EXD3: variants seen among roughly 807,000 people sequenced by gnomAD.
EXD3 encodes exonuclease 3'-5' domain containing 3.
In EXD3, 92 loss-of-function variants were observed where a neutral mutation model predicts 98.0. The observed-to-expected ratio is 0.94, with a 90% CI of 0.79 to 1.12. The LOEUF is 1.12. Among genes scored for constraint, EXD3 ranks in the 50% most tolerant of loss-of-function variants. The pLI, the probability that EXD3 is intolerant of heterozygous loss-of-function variation, is 0.00. For synonymous variants in EXD3, 569 were observed against 526.0 expected, an observed-to-expected ratio of 1.08 and a Z score of -1.12; for missense variants, 1,222 against 1,191.6, an observed-to-expected ratio of 1.03 and a Z score of -0.38.
intron 2 of EXD3, among the ~76,000 whole-genome samples, chr9:137,384,158 G>T (rs943507896): frequency 1.3e-5 from 2 of 152,222 alleles, no homozygotes; most frequent in East Asian, 1.9e-4. Flanking sequence ...TGTGGAAGCT[G>T]CTGGGCCCCC....
intron 1 of EXD3, among the ~76,000 whole-genome samples, chr9:137,416,527 C>T (rs568692172): frequency 1.3e-5 from 2 of 152,346 alleles, no homozygotes; most frequent in South Asian, 4.1e-4. Context: ...GCGCCCGGAA[C>T]CTCGCTGGTC....
At chr9:137,382,380 C>T (rs557442178) in intron 3 of EXD3, among the ~76,000 whole-genome samples, 5 of 138,536 alleles carry the variant, frequency 3.6e-5, no homozygotes, top group East Asian at 2.6e-4. Context: ...AACTCAGACA[C>T]GTGGGGGGCG....
At position 137,383,326 on chromosome 9, in the gene EXD3, C is replaced by T. The variant is rs764009655; in HGVS notation, c.107G>A (p.Arg36Gln). 1.0e-5 allele frequency: 16 copies of T among 1,550,034 alleles called. No individual in the cohort carries two copies. Among genetic ancestry groups the T allele is most frequent in the Admixed American group, 7.8e-5 (4 of 50,964 alleles). ...LQALQTLWST[R>Q]ERKQLREEAW... Reference sequence around the variant, plus strand: ...ACGTCCACTCACCTGCTTCCGCTCCCGCGTGGACCACAGGGTCTGCAGGGC... The same window carrying T: ...ACGTCCACTCACCTGCTTCCGCTCCTGCGTGGACCACAGGGTCTGCAGGGC... The change falls in exon 3 of 22, where the codon CGG becomes CAG. Residue 36 changes from arginine (R) to glutamine (Q), a missense_variant. Physicochemically the swap from Arg to Gln is conservative, Grantham distance 43. Coordinates refer to ENST00000340951, the MANE Select transcript of EXD3 (RefSeq NM_017820.5).
intron 17 of EXD3, among the ~76,000 whole-genome samples, chr9:137,337,161 C>T (rs142165364): frequency 6.6e-6 from 1 of 152,114 alleles, no homozygotes; most frequent in East Asian, 1.9e-4. Context: ...AGAGGTTCAC[C>T]ACATAATTAT....
Position 137,324,715 on chromosome 9 carries a change from C to T in EXD3, c.1999-572G>A, listed in dbSNP as rs139033072. The stretch of plus-strand genomic sequence containing the variant: ...TTAAGGATTTTTTTTGTTTTTTAGA[C>T]GGAGTCTCGCTCTTTCGCCCAGGCC... On this transcript the variant is annotated intron_variant, in intron 17 of 21. Coordinates refer to ENST00000340951, the MANE Select transcript of EXD3 (RefSeq NM_017820.5). This position sits in a 1 kb window ranked among gnomAD's most constrained non-coding sequence, Gnocchi z 4.1. Among the ~76,000 whole-genome samples the T allele has an allele frequency of 1.2e-3, 180 of 152,266 alleles. No individual in the cohort carries two copies. Among genetic ancestry groups the T allele is most frequent in the African/African-American group, 4.0e-3 (166 of 41,544 alleles).
intron 3 of EXD3, among the ~76,000 whole-genome samples, chr9:137,377,981 G>A (rs1836004078): frequency 6.6e-6 from 1 of 151,218 alleles, no homozygotes; most frequent in South Asian, 2.1e-4. Flanking sequence ...TTTTAGTAGA[G>A]ATAGGGTTTC....
At chr9:137,419,546 G>A (rs987680643) in intron 1 of EXD3, among the ~76,000 whole-genome samples, 6 of 152,118 alleles carry the variant, frequency 3.9e-5, no homozygotes, top group African/African-American at 1.4e-4. Flanking sequence ...GCTCATGCCT[G>A]TAATCCCAGT....
intron 19 of EXD3, 107 bp downstream of exon 19, chr9:137,323,618 C>T (rs1170556458): frequency 6.8e-7 from 1 of 1,467,068 alleles, no homozygotes; most frequent in Non-Finnish European, 9.2e-7. Context: ...CTGCCGACAC[C>T]CCACCCCAGA....
rs201795298 is a variant in EXD3, at chr9:137,352,055, G to A, written c.1173+11C>T. On this transcript the variant is annotated intron_variant, in intron 12 of 21. Transcript: ENST00000340951. ...ACCACCGGGCGCTGCCCCAGCGGCC[G>A]AGGGAACCACCTGCAGGAGTGCACC... 2,318 of 1,607,068 alleles carry A rather than the reference G, an allele frequency of 1.4e-3. 1 individual carries two copies. Among genetic ancestry groups the A allele is most frequent in the Non-Finnish European group, 1.7e-3 (1,992 of 1,177,396 alleles).
intron 7 of EXD3, among the ~76,000 whole-genome samples, chr9:137,363,502 T>A (rs1835086639): frequency 6.6e-6 from 1 of 151,726 alleles, no homozygotes; most frequent in Admixed American, 6.6e-5. Flanking sequence ...CATGCCTGGC[T>A]AATTTTCGTA....
chr9:137,335,251 A>G (rs552600620), intron 17 of EXD3, among the ~76,000 whole-genome samples: 3 of 152,200 alleles, frequency 2.0e-5, no homozygotes, highest in Non-Finnish European at 4.4e-5. Context: ...TGACACATGC[A>G]TAGACATTTC....
intron 1 of EXD3, among the ~76,000 whole-genome samples, chr9:137,416,476 C>G (rs1341306659): frequency 2.0e-5 from 3 of 152,384 alleles, no homozygotes; most frequent in Non-Finnish European, 4.4e-5. Context: ...TCCCAGGTCT[C>G]CACCAGAAAC....
chr9:137,335,551 G>A (rs1833315658), intron 17 of EXD3, among the ~76,000 whole-genome samples: 1 of 152,110 alleles, frequency 6.6e-6, no homozygotes, highest in South Asian at 2.1e-4. Flanking sequence ...GTGGTGGCAG[G>A]TGCCTGTAGT....
chr9:137,326,888 T>G (rs1489211101), intron 17 of EXD3, among the ~76,000 whole-genome samples: 1 of 151,630 alleles, frequency 6.6e-6, no homozygotes, highest in Non-Finnish European at 1.5e-5. Context: ...CTCAAGCACA[T>G]CCTCATACAT....
rs540365170 is a variant in EXD3, at chr9:137,378,603, C to T, written c.120+4710G>A. Among the ~76,000 whole-genome samples the T allele has an allele frequency of 2.4e-4, 37 of 152,318 alleles. No homozygotes were observed. The South Asian group carries it at 6.8e-3, about 28-fold the overall frequency. ...TTACAACGGCCAGAGGTGGAGATGGCGCAGATGACCCTCAGCTGTCTATGA... is the reference window on the plus strand; with the variant it reads ...TTACAACGGCCAGAGGTGGAGATGGTGCAGATGACCCTCAGCTGTCTATGA... On this transcript the variant is annotated intron_variant, in intron 3 of 21. Transcript: ENST00000340951.
chr9:137,318,162 G>A (rs955038938), intron 19 of EXD3, among the ~76,000 whole-genome samples: 1 of 152,162 alleles, frequency 6.6e-6, no homozygotes, highest in Non-Finnish European at 1.5e-5. Context: ...TGCTGAGTGT[G>A]AACGCTGGGG....
chr9:137,349,531 T>A lies in EXD3; in HGVS notation c.1495A>T (p.Met499Leu). ...GMDLLLVHRQ[M>L]RVASVPAPAV... is the part of the protein sequence containing the mutation. ...GGGGCTGGCACGCTCGCCACCCGCA[T>A]CTGCTAAGACAGTGCCCTGCAGGGT... Residue 499 changes from methionine (M) to leucine (L), a missense_variant and splice_region_variant, in exon 15 of 22, where the codon ATG becomes TTG. By Grantham distance (15) the Met-to-Leu change is conservative (BLOSUM62 2). Coordinates refer to ENST00000340951, the MANE Select transcript of EXD3 (RefSeq NM_017820.5). The surrounding 1 kb of genome is among the most constrained non-coding windows in gnomAD (Gnocchi z 7.4). The A allele has an allele frequency of 1.3e-6, 2 of 1,587,342 alleles. No individual in the cohort carries two copies. Among genetic ancestry groups the A allele is most frequent in the Non-Finnish European group, 1.7e-6 (2 of 1,170,048 alleles).
In EXD3 at chr9:137,385,684, C is replaced by T. The variant is rs996878798; in HGVS notation, c.56-2307G>A. ...GAGTAGCTGGGAGTACAGGCGCTCA[C>T]CGCTACGCCTGGCTAATTTTTGTAT... is the stretch of plus-strand genomic sequence containing the variant. On this transcript the variant is annotated intron_variant, in intron 2 of 21. Transcript: ENST00000340951. The surrounding 1 kb of genome is among the most constrained non-coding windows in gnomAD (Gnocchi z 4.4). 7.9e-5 allele frequency among the ~76,000 whole-genome samples: 12 copies of T among 152,244 alleles called. No homozygotes were observed. The highest frequency in any genetic ancestry group is 1.8e-4 in the Non-Finnish European group (12 of 68,026).
chr9:137,356,367 G>C lies in EXD3; in HGVS notation c.658C>G (p.Arg220Gly). 6.3e-7 allele frequency: 1 copy of C among 1,581,138 alleles called. No homozygotes were observed. The change falls in exon 8 of 22, where the codon CGG becomes GGG. Residue 220 changes from arginine to glycine, a missense_variant and splice_region_variant. Coordinates refer to ENST00000340951, the MANE Select transcript of EXD3 (RefSeq NM_017820.5). ...PGFDIKDVAR[R>G]YPEVTSLSLE... ...CTCAAGGAGGTCACCTCAGGGTACC[G>C]TCTGTGGGGAGAGAGAGGCACAGCC...
Sources: allele counts gnomAD v4.1 joint callset (sites outside exome capture counted in the v4.1 genomes callset), GRCh38; gene constraint gnomAD v4.1.1; non-coding constraint Gnocchi (gnomAD v3.1); transcripts MANE v1.5; gene names NCBI Gene and HGNC (gene_info 2026-07-23, HGNC 2026-07-21).